Variants in PCNX2 observed in about 807,000 individuals in gnomAD.
PCNX2 encodes pecanex-like protein 2.
In PCNX2, 168 loss-of-function variants were observed where a neutral mutation model predicts 223.8. That is an observed-to-expected ratio of 0.75 (90% CI 0.66 to 0.85). The LOEUF (loss-of-function observed/expected upper bound fraction) is 0.85. Ranked by LOEUF, PCNX2 falls within the 40% of genes least tolerant of loss-of-function variation. The probability of loss-of-function intolerance (pLI) is 0.00; values close to 1 mark genes in which losing one functional copy is unlikely to be tolerated. For synonymous variants in PCNX2, 1,006 were observed against 1,052.6 expected (o/e 0.96, Z 0.86); for missense variants, 2,507 against 2,675.5 (o/e 0.94, Z 1.39).
In PCNX2 at chr1:233,263,183, G is replaced by T. The variant is rs1464082710; in HGVS notation, c.154-20C>A. On this transcript the variant is annotated intron_variant, in intron 1 of 33. Coordinates refer to ENST00000258229, the MANE Select transcript of PCNX2 (RefSeq NM_014801.4). ...AAAAGCCTGAAGAAAGGAAAAGACA[G>T]AGAAAAATCATTTGCTTTTAAGATT... 6.5e-7 allele frequency: 1 copy of T among 1,537,036 alleles called. No individual in the cohort carries two copies. The highest frequency in any genetic ancestry group is 2.3e-5 in the East Asian group (1 of 43,868).
chr1:233,191,117 A>T (rs540742238), intron 15 of PCNX2, among the ~76,000 whole-genome samples: 2 of 152,338 alleles, frequency 1.3e-5, no homozygotes, highest in Admixed American at 1.3e-4. Flanking sequence ...GAATTTTGCA[A>T]GAAAAAGTTG....
chr1:233,298,951 T>A (rs1242308988), upstream of PCNX2, among the ~76,000 whole-genome samples: 7 of 152,204 alleles, frequency 4.6e-5, no homozygotes, highest in East Asian at 1.3e-3. Flanking sequence ...TTTCCTGGCA[T>A]CATTATAGCT....
chr1:233,292,185 A>ACTTT lies in PCNX2; in HGVS notation c.153+3137_153+3140dup, dbSNP rs200378417. On this transcript the variant is annotated intron_variant, in intron 1 of 33. Coordinates refer to ENST00000258229, the MANE Select transcript of PCNX2 (RefSeq NM_014801.4). ...AAAAGTGGATCCTTTCAATAGTGAA[A>ACTTT]CTTTCTTTCTTTCTTTCTTTTTTTT... 3.6e-3 allele frequency among the ~76,000 whole-genome samples: 530 copies of ACTTT among 146,976 alleles called. 25 individuals are homozygous for ACTTT. The East Asian group carries it at 0.071, about 20-fold the overall frequency.
chr1:233,125,364 G>C (rs1320364917), intron 21 of PCNX2, among the ~76,000 whole-genome samples: 1 of 152,108 alleles, frequency 6.6e-6, no homozygotes, highest in Non-Finnish European at 1.5e-5. Flanking sequence ...AGTAGCAATA[G>C]TGTTTTGGAA....
At chr1:233,303,049 T>A in the PCNX2 span, among the ~76,000 whole-genome samples, 4 of 152,192 alleles carry the variant, frequency 2.6e-5, no homozygotes, top group Non-Finnish European at 4.4e-5. Flanking sequence ...TTACAGACTT[T>A]TTGTCTGCCT....
intron 20 of PCNX2, among the ~76,000 whole-genome samples, chr1:233,138,574 C>T (rs1257800890): frequency 6.6e-6 from 1 of 152,164 alleles, no homozygotes; most frequent in Non-Finnish European, 1.5e-5. Context: ...CTTAGAGAAG[C>T]TCACAAAGTT....
At chr1:233,178,305 C>T (rs939134913) in intron 16 of PCNX2, among the ~76,000 whole-genome samples, 2 of 152,214 alleles carry the variant, frequency 1.3e-5, no homozygotes, top group Non-Finnish European at 2.9e-5. Context: ...CACACTACTG[C>T]ACCTCATGGC....
At chr1:233,306,111 G>A in the PCNX2 span, among the ~76,000 whole-genome samples, 4 of 152,098 alleles carry the variant, frequency 2.6e-5, no homozygotes, top group African/African-American at 7.2e-5. Context: ...TTATTTATTT[G>A]TACTAATATC....
chr1:233,229,725 C>T (rs1254263915), intron 9 of PCNX2, among the ~76,000 whole-genome samples: 4 of 151,978 alleles, frequency 2.6e-5, no homozygotes, highest in African/African-American at 9.7e-5. Flanking sequence ...AAGACTATGC[C>T]TGCATCTTTT....
intron 25 of PCNX2, among the ~76,000 whole-genome samples, chr1:233,040,914 C>A (rs1298163769): frequency 2.0e-5 from 3 of 152,160 alleles, no homozygotes; most frequent in Non-Finnish European, 2.9e-5. Flanking sequence ...ATCCCATTTT[C>A]CAGTAACCAC....
intron 26 of PCNX2, among the ~76,000 whole-genome samples, chr1:233,023,563 T>G (rs1254545372): frequency 6.6e-6 from 1 of 152,230 alleles, no homozygotes; most frequent in Non-Finnish European, 1.5e-5. Context: ...GCTTCTAACA[T>G]GCATGCCACT....
the PCNX2 span, among the ~76,000 whole-genome samples, chr1:233,318,031 C>A: frequency 6.6e-6 from 1 of 152,244 alleles, no homozygotes; most frequent in Non-Finnish European, 1.5e-5. Context: ...CACACATACA[C>A]ACTTGCCCTA....
In PCNX2 at chr1:232,999,305, C is replaced by T. The variant is rs539727919; in HGVS notation, c.5403G>A (p.Pro1801=). 9.9e-5 allele frequency: 160 copies of T among 1,609,418 alleles called. 1 individual carries two copies. The highest frequency in any genetic ancestry group is 4.5e-4 in the South Asian group (41 of 90,162). ...TATTGTTCTGGATACTGCCGCGCTC[C>T]GGATTGCGGTTGCGAAGAAATATAA... is the stretch of plus-strand genomic sequence containing the variant. ...QELIFLRNRN[P]ERGSIQNNKQ... is the part of the protein sequence containing the mutation. Residue 1801 remains proline (P), a synonymous_variant, in exon 31 of 34, where the codon CCG becomes CCA. Transcript: ENST00000258229.
At chr1:233,108,908 A>G (rs1204063523) in intron 21 of PCNX2, among the ~76,000 whole-genome samples, 1 of 152,156 alleles carries the variant, frequency 6.6e-6, no homozygotes, top group Non-Finnish European at 1.5e-5. Context: ...CCACCAAGGT[A>G]ACAAGTTGCA....
chr1:233,248,053 T>C (rs1404998058), intron 8 of PCNX2, among the ~76,000 whole-genome samples: 2 of 152,136 alleles, frequency 1.3e-5, no homozygotes, highest in African/African-American at 4.8e-5. Context: ...ATTGGAGCAT[T>C]CACACATGAG....
chr1:233,225,385 G>A (rs944854901), intron 10 of PCNX2, among the ~76,000 whole-genome samples: 12 of 152,064 alleles, frequency 7.9e-5, no homozygotes, highest in Admixed American at 7.9e-4. Context: ...GGAAACGGAC[G>A]CACTGGAAGG....
chr1:233,168,680 T>C (rs919918044), intron 17 of PCNX2, among the ~76,000 whole-genome samples: 21 of 152,126 alleles, frequency 1.4e-4, no homozygotes, highest in African/African-American at 5.1e-4. Flanking sequence ...CTTTATATAC[T>C]AATTTTTTTT....
chr1:233,326,932 G>A, the PCNX2 span, among the ~76,000 whole-genome samples: 13 of 152,228 alleles, frequency 8.5e-5, no homozygotes, highest in African/African-American at 3.1e-4. Flanking sequence ...AATAAGCAAA[G>A]GATTTACCAT....
chr1:233,203,429 A>C (rs1168675670), intron 13 of PCNX2, among the ~76,000 whole-genome samples: 1 of 152,212 alleles, frequency 6.6e-6, no homozygotes, highest in African/African-American at 2.4e-5. Flanking sequence ...ATAAAAATAA[A>C]GAATATTTTT....
Sources: gnomAD v4.1 joint callset for allele counts (sites outside exome capture counted in the v4.1 genomes callset) on GRCh38, gnomAD v4.1.1 for gene constraint, MANE v1.5 for transcripts, NCBI Gene and HGNC (gene_info 2026-07-23, HGNC 2026-07-21) for gene names.